Variants in TRMT11 observed in about 807,000 individuals in gnomAD.
TRMT11 encodes the protein tRNA methyltransferase 11, also known as tRNA (guanine(10)-N(2))-methyltransferase TRMT11.
TRMT11 carries 53 observed loss-of-function variants against 62.8 expected under a neutral mutation model. That is an observed-to-expected ratio of 0.84 (90% CI 0.68 to 1.06). The LOEUF (loss-of-function observed/expected upper bound fraction) is 1.06, where lower values mean the gene tolerates loss of function less well. Among genes scored for constraint, TRMT11 ranks in the 50% least tolerant of loss-of-function variants. The probability of loss-of-function intolerance (pLI) is 0.00; values close to 1 mark genes in which losing one functional copy is unlikely to be tolerated. For missense variants in TRMT11, 556 were observed against 553.4 expected (o/e 1.00, Z -0.05); for synonymous variants, 188 against 190.3 (o/e 0.99, Z 0.10).
intron 1 of TRMT11, among the ~76,000 whole-genome samples, chr6:125,990,013 A>G (rs988786174): frequency 1.3e-5 from 2 of 152,184 alleles, no homozygotes; most frequent in Non-Finnish European, 2.9e-5. Context: ...TATGTTTTAC[A>G]TGATTATTTT....
At chr6:126,145,940 A>C (rs1777969712) in intron 21 of TRMT11, among the ~76,000 whole-genome samples, 1 of 152,214 alleles carries the variant, frequency 6.6e-6, no homozygotes, top group Non-Finnish European at 1.5e-5. Context: ...GGTTCATATT[A>C]ATCCATCATC....
At chr6:126,059,187 C>G (rs1562310302) in intron 17 of TRMT11, among the ~76,000 whole-genome samples, 1 of 151,858 alleles carries the variant, frequency 6.6e-6, no homozygotes, top group South Asian at 2.1e-4. Flanking sequence ...CCCAGCCTAC[C>G]TCTACTCTTT....
chr6:126,087,513 T>TA (rs1777228533), intron 17 of TRMT11, among the ~76,000 whole-genome samples: 1 of 152,244 alleles, frequency 6.6e-6, no homozygotes, highest in South Asian at 2.1e-4. Flanking sequence ...ATTCAAGTTT[T>TA]AAAAATATTT....
At chr6:126,216,662 A>AGATCCTTTTTTCATCCTTGAC in the TRMT11 span, among the ~76,000 whole-genome samples, 26 of 152,120 alleles carry the variant, frequency 1.7e-4, no homozygotes, top group Admixed American at 1.0e-3. Context: ...GCCACCTTGA[A>AGATCCTTTTTTCATCCTTGAC]GATCCTTTTT....
intron 7 of TRMT11, among the ~76,000 whole-genome samples, chr6:126,001,884 T>C (rs1426972349): frequency 6.6e-6 from 1 of 152,144 alleles, no homozygotes; most frequent in African/African-American, 2.4e-5. Context: ...TTCTATTTGT[T>C]ATTAATATGA....
At chr6:126,271,265 G>A in the TRMT11 span, among the ~76,000 whole-genome samples, 1 of 149,966 alleles carries the variant, frequency 6.7e-6, no homozygotes, top group East Asian at 2.0e-4. Context: ...TCAGGGGGCT[G>A]AGGCAGGAAA....
At chr6:126,226,019 C>T in the TRMT11 span, among the ~76,000 whole-genome samples, 1 of 152,094 alleles carries the variant, frequency 6.6e-6, no homozygotes, top group Non-Finnish European at 1.5e-5. Flanking sequence ...ATCAGAAATA[C>T]ATTTCCCTGT....
chr6:126,265,160 T>G, the TRMT11 span, among the ~76,000 whole-genome samples: 23 of 152,316 alleles, frequency 1.5e-4, no homozygotes, highest in Non-Finnish European at 1.9e-4. Context: ...GAGTGTGGCC[T>G]TGTTTACACA....
At chr6:126,113,271 C>G (rs1054322943) in intron 18 of TRMT11, among the ~76,000 whole-genome samples, 3 of 151,930 alleles carry the variant, frequency 2.0e-5, no homozygotes, top group Admixed American at 1.3e-4. Context: ...TTAACAGGGC[C>G]CTCTTTTAAT....
intron 21 of TRMT11, among the ~76,000 whole-genome samples, chr6:126,128,778 C>T (rs1777746364): frequency 6.6e-6 from 1 of 152,032 alleles, no homozygotes; most frequent in African/African-American, 2.4e-5. Context: ...TTAAATATCC[C>T]ATGTGATATT....
chr6:126,174,654 G>T (rs945023230), upstream of TRMT11, among the ~76,000 whole-genome samples: 2 of 152,170 alleles, frequency 1.3e-5, no homozygotes, highest in African/African-American at 4.8e-5. Flanking sequence ...CATTATCACA[G>T]ATCTCTTGTG....
At chr6:126,127,045 G>T (rs1777726864) in intron 21 of TRMT11, among the ~76,000 whole-genome samples, 1 of 152,124 alleles carries the variant, frequency 6.6e-6, no homozygotes. Flanking sequence ...TAATTCAAGG[G>T]TGTTGTAGTC....
chr6:126,012,689 T>A, intron 9 of TRMT11, 82 bp from the exon 10 acceptor site: 1 of 980,572 alleles, frequency 1.0e-6, no homozygotes. Flanking sequence ...GGGTGTCACA[T>A]TTGAAGGCAG....
At chr6:126,253,340 A>C in the TRMT11 span, among the ~76,000 whole-genome samples, 1 of 152,168 alleles carries the variant, frequency 6.6e-6, no homozygotes, top group Non-Finnish European at 1.5e-5. Flanking sequence ...ACACCTTCTG[A>C]AGGATTTTCC....
chr6:126,225,798 T>C, the TRMT11 span, among the ~76,000 whole-genome samples: 1 of 151,370 alleles, frequency 6.6e-6, no homozygotes, highest in African/African-American at 2.4e-5. Context: ...GAAGCGATTT[T>C]CCCACCTCAG....
intron 21 of TRMT11, among the ~76,000 whole-genome samples, chr6:126,139,342 G>T (rs946506379): frequency 1.3e-5 from 2 of 151,780 alleles, no homozygotes; most frequent in African/African-American, 4.8e-5. Flanking sequence ...CTTTTCAGAA[G>T]ATTTTATTTT....
intron 7 of TRMT11, among the ~76,000 whole-genome samples, chr6:126,000,249 C>T (rs942486370): frequency 4.6e-5 from 7 of 152,214 alleles, no homozygotes; most frequent in Non-Finnish European, 8.8e-5. Context: ...CCTACTTCCA[C>T]TCAATTTTGC....
chr6:126,253,208 T>A, the TRMT11 span, among the ~76,000 whole-genome samples: 1 of 152,156 alleles, frequency 6.6e-6, no homozygotes, highest in African/African-American at 2.4e-5. Flanking sequence ...AGGCTGGGTC[T>A]ACACAGGGTC....
chr6:126,268,402 T>C, the TRMT11 span, among the ~76,000 whole-genome samples: 4 of 152,172 alleles, frequency 2.6e-5, no homozygotes, highest in Admixed American at 2.6e-4. Flanking sequence ...GGTGAACTTT[T>C]AGCTGTATCA....
Sources: allele counts gnomAD v4.1 joint callset (sites outside exome capture counted in the v4.1 genomes callset), GRCh38; gene constraint gnomAD v4.1.1; transcripts MANE v1.5; gene names NCBI Gene and HGNC (gene_info 2026-07-23, HGNC 2026-07-21).